The following XYLT1 variants were observed in gnomAD, a reference collection of about 807,000 sequenced individuals.
XYLT1 encodes the protein beta-D-xylosyltransferase 1.
Under a neutral mutation model 91.3 loss-of-function variants are expected in XYLT1, and 36 were observed. The observed-to-expected ratio is 0.39, with a 90% confidence interval of 0.30 to 0.52. The LOEUF is 0.52. Among genes scored for constraint, XYLT1 ranks in the 20% least tolerant of loss-of-function variants. XYLT1 has a pLI of 0.68. For synonymous variants in XYLT1, 588 were observed against 532.0 expected (o/e 1.11, Z -1.45); for missense variants, 1,242 against 1,284.5 (o/e 0.97, Z 0.51).
At chr16:17,285,884 G>C (rs1448729851) in intron 2 of XYLT1, among the ~76,000 whole-genome samples, 4 of 39,656 alleles carry the variant, frequency 1.0e-4, no homozygotes, top group African/African-American at 5.8e-4. Context: ...CTGTGTGTGT[G>C]TGTGTGTGTG....
chr16:17,117,975 C>T lies in XYLT1; in HGVS notation c.2228G>A (p.Gly743Asp). 1 of 1,607,478 alleles carries T rather than the reference C, an allele frequency of 6.2e-7. No individual in the cohort carries two copies. Among genetic ancestry groups the T allele is most frequent in the Non-Finnish European group, 8.5e-7 (1 of 1,174,998 alleles). ...DFGRLQFSEVGTDWDAKERLF... is the reference protein window; with the variant it reads ...DFGRLQFSEVDTDWDAKERLF... The stretch of plus-strand genomic sequence containing the variant: ...CCTCTCCTTGGCATCCCAGTCAGTG[C>T]CGACCTGAAACAGGGGAGTGAATTC... Residue 743 changes from glycine to aspartate, a missense_variant, in exon 11 of 12, where the codon GGC becomes GAC. Gly to Asp is a moderately conservative substitution (Grantham distance 94). Coordinates refer to ENST00000261381, the MANE Select transcript of XYLT1 (RefSeq NM_022166.4).
At chr16:17,363,055 T>A (rs1259734430) in intron 1 of XYLT1, among the ~76,000 whole-genome samples, 1 of 152,208 alleles carries the variant, frequency 6.6e-6, no homozygotes, top group Non-Finnish European at 1.5e-5. Flanking sequence ...TCACTCATCA[T>A]CCAACCACCA....
Position 17,171,617 on chromosome 16 carries a change from C to T in XYLT1, c.1290-12708G>A, listed in dbSNP as rs1275075068. 3.9e-5 allele frequency among the ~76,000 whole-genome samples: 6 copies of T among 152,224 alleles called. 1 individual carries two copies. The highest frequency in any genetic ancestry group is 2.4e-5 in the African/African-American group (1 of 41,450). On this transcript the variant is annotated intron_variant, in intron 5 of 11. Transcript: ENST00000261381. ...ATTTTTTCTTTTTAAACAGAGGACACAGGCCTTGAAGTAACTTGACAGTTC... is the reference window on the plus strand; with the variant it reads ...ATTTTTTCTTTTTAAACAGAGGACATAGGCCTTGAAGTAACTTGACAGTTC...
At chr16:17,313,054 G>A in intron 2 of XYLT1, among the ~76,000 whole-genome samples, 1 of 152,236 alleles carries the variant, frequency 6.6e-6, no homozygotes, top group Non-Finnish European at 1.5e-5. Context: ...CCCCAGCCTT[G>A]TTGGCTCCTG....
At chr16:17,317,675 A>G (rs2034657208) in intron 2 of XYLT1, among the ~76,000 whole-genome samples, 2 of 140,714 alleles carry the variant, frequency 1.4e-5, no homozygotes, top group African/African-American at 5.1e-5. Context: ...AGGAGCTAGT[A>G]TTTATGGTAT....
intron 2 of XYLT1, among the ~76,000 whole-genome samples, chr16:17,342,367 C>A (rs115321586): frequency 6.6e-6 from 1 of 152,164 alleles, no homozygotes; most frequent in African/African-American, 2.4e-5. Context: ...CTTACCTAGC[C>A]CACAGTCCTC....
chr16:17,159,529 TG>T (rs2031497157), intron 5 of XYLT1, among the ~76,000 whole-genome samples: 1 of 152,174 alleles, frequency 6.6e-6, no homozygotes, highest in Non-Finnish European at 1.5e-5. Flanking sequence ...TGTTCAACAC[TG>T]GCATACAGTA....
At chr16:17,211,786 A>G (rs1001187707) in intron 3 of XYLT1, among the ~76,000 whole-genome samples, 1 of 152,182 alleles carries the variant, frequency 6.6e-6, no homozygotes, top group Admixed American at 6.5e-5. Flanking sequence ...CCAAAGCCTC[A>G]TGTTCTCAGA....
chr16:17,335,258 C>T (rs924365119), intron 2 of XYLT1, among the ~76,000 whole-genome samples: 4 of 151,612 alleles, frequency 2.6e-5, no homozygotes, highest in African/African-American at 9.7e-5. Flanking sequence ...AAAAAAACTA[C>T]CTACTGGCCA....
At chr16:17,228,154 G>A (rs1484378496) in intron 3 of XYLT1, among the ~76,000 whole-genome samples, 2 of 152,174 alleles carry the variant, frequency 1.3e-5, no homozygotes, top group Non-Finnish European at 2.9e-5. Context: ...GTGAGCTACA[G>A]TGACCCTGCT....
At chr16:17,197,303 T>G (rs569906876) in intron 5 of XYLT1, among the ~76,000 whole-genome samples, 1 of 152,236 alleles carries the variant, frequency 6.6e-6, no homozygotes, top group East Asian at 1.9e-4. Flanking sequence ...GACTCTCTTT[T>G]TCATCTTCTT....
At chr16:17,394,186 A>G (rs1198551385) in intron 1 of XYLT1, among the ~76,000 whole-genome samples, 1 of 152,196 alleles carries the variant, frequency 6.6e-6, no homozygotes, top group African/African-American at 2.4e-5. Flanking sequence ...AAATGAAATA[A>G]AAGTAAAACT....
chr16:17,390,305 C>A (rs1477538656), intron 1 of XYLT1, among the ~76,000 whole-genome samples: 1 of 152,130 alleles, frequency 6.6e-6, no homozygotes, highest in Non-Finnish European at 1.5e-5. Context: ...AAGCTGCCAG[C>A]AAGAACGAGG....
rs2030637199 is a variant in XYLT1 at position 17,134,647 on chromosome 16, C to T, written c.1853G>A (p.Gly618Glu). Residue 618 changes from glycine (G) to glutamate (E), a missense_variant, in exon 9 of 12, where the codon GGG (glycine) becomes GAG (glutamate). Coordinates refer to ENST00000261381, the MANE Select transcript of XYLT1 (RefSeq NM_022166.4). The stretch of plus-strand genomic sequence containing the variant: ...GCCCGGGGTACCTGCAGGGTAGTTC[C>T]CGTACAGGTAATAGTCCAGCTGCCC... Reference protein sequence around the residue: ...IIGQLDYYLYGNYPAGTPGLR... With the variant: ...IIGQLDYYLYENYPAGTPGLR... 1 of 1,614,206 alleles carries T rather than the reference C, an allele frequency of 6.2e-7. No homozygotes were observed. The highest frequency in any genetic ancestry group is 2.2e-5 in the East Asian group (1 of 44,886).
At chr16:17,339,722 G>A (rs1227218826) in intron 2 of XYLT1, among the ~76,000 whole-genome samples, 3 of 152,186 alleles carry the variant, frequency 2.0e-5, no homozygotes, top group African/African-American at 7.2e-5. Flanking sequence ...CAGGGCACCA[G>A]GTCCTTCATC....
At chr16:17,126,001 T>C (rs1295661153) in intron 10 of XYLT1, among the ~76,000 whole-genome samples, 11 of 152,230 alleles carry the variant, frequency 7.2e-5, no homozygotes, top group Admixed American at 6.5e-4. Flanking sequence ...GGCCCTGGGA[T>C]AGTGCTAACA....
chr16:17,258,721 C>T (rs1286210948), intron 3 of XYLT1, among the ~76,000 whole-genome samples: 1 of 152,200 alleles, frequency 6.6e-6, no homozygotes, highest in African/African-American at 2.4e-5. Context: ...CACATCAGCT[C>T]CCGATTTCAC....
chr16:17,120,271 A>G (rs1006018409), intron 10 of XYLT1, among the ~76,000 whole-genome samples: 1 of 151,994 alleles, frequency 6.6e-6, no homozygotes, highest in Non-Finnish European at 1.5e-5. Context: ...CCCGATTTCT[A>G]TTTTCCTGCT....
At position 17,423,996 on chromosome 16, in the gene XYLT1, C is replaced by T. The variant is rs550500882; in HGVS notation, c.363+46438G>A. ...CAAAATCCATGGGAACCTATAGGAC[C>T]GTGGCCAAAGTCATCTCTGCCTCCC... On this transcript the variant is annotated intron_variant, in intron 1 of 11. Coordinates refer to ENST00000261381, the MANE Select transcript of XYLT1 (RefSeq NM_022166.4). Among the ~76,000 whole-genome samples the T allele has an allele frequency of 7.2e-5, 11 of 152,204 alleles. No homozygotes were observed. The East Asian group carries it at 1.2e-3, about 16-fold the overall frequency.
Sources: gnomAD v4.1 joint callset for allele counts (sites outside exome capture counted in the v4.1 genomes callset) on GRCh38, gnomAD v4.1.1 for gene constraint, MANE v1.5 for transcripts, NCBI Gene and HGNC (gene_info 2026-07-23, HGNC 2026-07-21) for gene names.